ZNF407: variants seen among roughly 807,000 people sequenced by gnomAD.
ZNF407 encodes zinc finger protein 407.
A neutral mutation model predicts 131.2 loss-of-function variants in ZNF407; 17 were observed. The ratio of observed to expected loss-of-function variants is 0.13; its 90% CI spans 0.09 to 0.19. ZNF407 has a LOEUF of 0.19. Among genes scored for constraint, ZNF407 ranks in the 10% least tolerant of loss-of-function variants. The probability of loss-of-function intolerance (pLI) is 1.00; values close to 1 mark genes in which losing one functional copy is unlikely to be tolerated. For synonymous variants in ZNF407, 1,156 were observed against 1,062.0 expected, an observed-to-expected ratio of 1.09 and a Z score of -1.72; for missense variants, 2,681 against 2,830.6, an observed-to-expected ratio of 0.95 and a Z score of 1.20.
chr18:74,650,624 A>G (rs997806584), intron 3 of ZNF407, among the ~76,000 whole-genome samples: 11 of 152,104 alleles, frequency 7.2e-5, no homozygotes, highest in Admixed American at 2.0e-4. Flanking sequence ...GAAACAGGCA[A>G]ACTCACAGAC....
intron 8 of ZNF407, among the ~76,000 whole-genome samples, chr18:75,024,983 G>A (rs1005851532): frequency 5.3e-5 from 8 of 152,118 alleles, no homozygotes; most frequent in Non-Finnish European, 1.0e-4. Context: ...CATGAATAAT[G>A]AATCTTTGAA....
chr18:74,610,328 G>C (rs1982999806), intron 1 of ZNF407, among the ~76,000 whole-genome samples: 1 of 152,110 alleles, frequency 6.6e-6, no homozygotes, highest in African/African-American at 2.4e-5. Flanking sequence ...TGGATAGTAG[G>C]TTGTTTCCAG....
chr18:74,988,233 A>G (rs1298117486), intron 8 of ZNF407, among the ~76,000 whole-genome samples: 1 of 152,192 alleles, frequency 6.6e-6, no homozygotes. Context: ...CTTAACCCTT[A>G]CACCATTCAA....
In ZNF407 at chr18:74,632,698, G is replaced by C. The variant is rs755995851; in HGVS notation, c.1679G>C (p.Arg560Pro). ...CHAREMKFYC[R>P]TCDFSSMSRR... ...GCCAGAGAGATGAAATTTTACTGCC[G>C]TACTTGTGACTTCTCTAGTATGTCA... Residue 560 changes from arginine (R) to proline (P), a missense_variant, in exon 2 of 9, where the codon CGT becomes CCT. Around this residue, in one of 6 missense-constraint regions of ZNF407, gnomAD observed 1,789 missense variants for 1,748.7 expected, o/e 1.02. Coordinates refer to ENST00000299687, the MANE Select transcript of ZNF407 (RefSeq NM_017757.3). 2.0e-5 allele frequency: 32 copies of C among 1,613,878 alleles called. No individual in the cohort carries two copies. The highest frequency in any genetic ancestry group is 2.5e-5 in the Non-Finnish European group (29 of 1,179,886).
chr18:74,937,969 G>A (rs887508184), intron 8 of ZNF407, among the ~76,000 whole-genome samples: 3 of 152,048 alleles, frequency 2.0e-5, no homozygotes, highest in African/African-American at 7.2e-5. Context: ...CAATACCCAT[G>A]GCTCACATGT....
At chr18:74,884,717 A>G (rs1971284395) in intron 6 of ZNF407, among the ~76,000 whole-genome samples, 1 of 152,190 alleles carries the variant, frequency 6.6e-6, no homozygotes, top group Non-Finnish European at 1.5e-5. Flanking sequence ...ACTGTTTTTA[A>G]ATTTAAATTT....
At chr18:74,740,473 A>G (rs370899123) in intron 3 of ZNF407, among the ~76,000 whole-genome samples, 1 of 152,198 alleles carries the variant, frequency 6.6e-6, no homozygotes, top group Non-Finnish European at 1.5e-5. Flanking sequence ...CACAGTACAT[A>G]TGTGTACACA....
In ZNF407 at chr18:75,063,181, A is replaced by G; in HGVS notation, c.5460A>G (p.Leu1820=). 6.2e-7 allele frequency: 1 copy of G among 1,603,502 alleles called. No homozygotes were observed. The highest frequency in any genetic ancestry group is 8.5e-7 in the Non-Finnish European group (1 of 1,174,948). ...GIVSKSYECR[L]KGQGATFVET... ...TTTCCAAGTCGTACGAGTGCCGTCTAAAGGGACAAGGAGCCACCTTCGTGG... is the reference window on the plus strand; with the variant it reads ...TTTCCAAGTCGTACGAGTGCCGTCTGAAGGGACAAGGAGCCACCTTCGTGG... The change falls in exon 9 of 9, where the codon CTA becomes CTG. Residue 1820 remains leucine (L), a synonymous_variant. Coordinates refer to ENST00000299687, the MANE Select transcript of ZNF407 (RefSeq NM_017757.3). The surrounding 1 kb of genome is among the most constrained non-coding windows in gnomAD (Gnocchi z 6.6).
chr18:74,813,711 T>C (rs1412754967), intron 4 of ZNF407, among the ~76,000 whole-genome samples: 2 of 152,164 alleles, frequency 1.3e-5, no homozygotes, highest in Non-Finnish European at 2.9e-5. Context: ...AAGGGCCCCT[T>C]TGTCCGCCTC....
intron 4 of ZNF407, among the ~76,000 whole-genome samples, chr18:74,783,448 A>T (rs1969645434): frequency 6.6e-6 from 1 of 152,094 alleles, no homozygotes; most frequent in Non-Finnish European, 1.5e-5. Context: ...GGAAAAGTTG[A>T]TCTCCCCATA....
intron 1 of ZNF407, among the ~76,000 whole-genome samples, chr18:74,627,903 C>T (rs1446567176): frequency 8.0e-6 from 1 of 125,066 alleles, no homozygotes; most frequent in Non-Finnish European, 1.6e-5. Context: ...GAGACAGGGT[C>T]TCACTCTGTT....
intron 3 of ZNF407, among the ~76,000 whole-genome samples, chr18:74,691,076 C>T (rs898099124): frequency 2.0e-5 from 3 of 151,788 alleles, no homozygotes; most frequent in Non-Finnish European, 2.9e-5. Context: ...GTCAGGAGTT[C>T]GAGACCAGCG....
chr18:74,954,532 T>C (rs545688903), intron 8 of ZNF407, among the ~76,000 whole-genome samples: 1 of 152,360 alleles, frequency 6.6e-6, no homozygotes, highest in Non-Finnish European at 1.5e-5. Flanking sequence ...ACTGGCATTA[T>C]AATCATGCAA....
At chr18:74,690,233 C>A (rs1048619060) in intron 3 of ZNF407, among the ~76,000 whole-genome samples, 2 of 152,138 alleles carry the variant, frequency 1.3e-5, no homozygotes, top group Non-Finnish European at 2.9e-5. Context: ...ATTCCCTAGA[C>A]TCTTAATAAA....
chr18:74,895,779 T>C (rs1971446111), intron 7 of ZNF407, among the ~76,000 whole-genome samples: 1 of 152,196 alleles, frequency 6.6e-6, no homozygotes, highest in Non-Finnish European at 1.5e-5. Flanking sequence ...GAATTCAGTA[T>C]ACAATGGGAT....
intron 7 of ZNF407, among the ~76,000 whole-genome samples, chr18:74,902,322 A>G (rs914606029): frequency 1.3e-5 from 2 of 152,226 alleles, no homozygotes; most frequent in African/African-American, 4.8e-5. Flanking sequence ...ATTCAAGTCG[A>G]GTCCTTGTCA....
At chr18:75,020,238 C>T (rs1210372623) in intron 8 of ZNF407, among the ~76,000 whole-genome samples, 2 of 151,498 alleles carry the variant, frequency 1.3e-5, no homozygotes, top group Non-Finnish European at 2.9e-5. Context: ...TAGGAAAAAG[C>T]ATATAGTGTG....
chr18:75,043,221 G>A (rs536450793), intron 8 of ZNF407, among the ~76,000 whole-genome samples: 6 of 152,326 alleles, frequency 3.9e-5, no homozygotes, highest in Non-Finnish European at 7.4e-5. Flanking sequence ...TAATGGGTGT[G>A]TTGTGTATCT....
chr18:74,902,787 A>G (rs187307729), intron 7 of ZNF407, among the ~76,000 whole-genome samples: 4 of 152,350 alleles, frequency 2.6e-5, no homozygotes, highest in Admixed American at 2.0e-4. Context: ...TAAAGCTAGA[A>G]AACATTTTTT....
Sources: gnomAD v4.1 joint callset for allele counts (sites outside exome capture counted in the v4.1 genomes callset) on GRCh38, gnomAD v4.1.1 for gene constraint, gnomAD v4.1.1 regional missense constraint, Gnocchi (gnomAD v3.1) non-coding constraint, MANE v1.5 for transcripts, NCBI Gene and HGNC (gene_info 2026-07-23, HGNC 2026-07-21) for gene names.